ZSCAN18: variants seen among roughly 807,000 people sequenced by gnomAD.
ZSCAN18 encodes the protein zinc finger and SCAN domain containing 18.
Under a neutral mutation model 31.1 loss-of-function variants are expected in ZSCAN18, and 16 were observed. That is an observed-to-expected ratio of 0.51 (90% CI 0.35 to 0.78). The LOEUF (loss-of-function observed/expected upper bound fraction) is 0.78, where lower values mean the gene tolerates loss of function less well. Ranked by LOEUF, ZSCAN18 falls within the 30% of genes least tolerant of loss-of-function variation. The probability of loss-of-function intolerance (pLI) is 0.01; values close to 1 mark genes in which losing one functional copy is unlikely to be tolerated. For synonymous variants in ZSCAN18, 375 were observed against 320.7 expected, an observed-to-expected ratio of 1.17 and a Z score of -1.81; for missense variants, 731 against 697.4, an observed-to-expected ratio of 1.05 and a Z score of -0.54.
At chr19:58,107,907 C>G in intron 1 of ZSCAN18, 1 of 1,074,326 alleles carries the variant, frequency 9.3e-7, no homozygotes, top group South Asian at 3.6e-5. Flanking sequence ...GAAGGCTTTG[C>G]CACACCGATT....
intron 1 of ZSCAN18, chr19:58,109,295 T>C: frequency 8.1e-7 from 1 of 1,231,746 alleles, no homozygotes; most frequent in Non-Finnish European, 1.0e-6. Context: ...TTGACTTTTG[T>C]TTCCCAGGCT....
At chr19:58,116,385 G>T (rs968154849) in intron 1 of ZSCAN18, among the ~76,000 whole-genome samples, 2 of 151,510 alleles carry the variant, frequency 1.3e-5, no homozygotes, top group African/African-American at 4.9e-5. Context: ...CCTGTTCTAG[G>T]TATCAATAAT....
At chr19:58,102,120 C>T (rs973413116), upstream of ZSCAN18, among the ~76,000 whole-genome samples, 2 of 151,994 alleles carry the variant, frequency 1.3e-5, no homozygotes, top group Admixed American at 1.3e-4. Flanking sequence ...GTAGAAGCTC[C>T]ATAAGGACGG....
In ZSCAN18 at chr19:58,103,533, G is replaced by C. The variant is rs149483241; in HGVS notation, c.131-13147C>G. Among the ~76,000 whole-genome samples, 521 of 152,282 alleles carry C rather than the reference G, an allele frequency of 3.4e-3. 1 individual carries two copies. Among genetic ancestry groups the C allele is most frequent in the African/African-American group, 0.012 (489 of 41,546 alleles). ...GTAACTATTGTAATTGTTCTGGAGT[G>C]AAAGGAACCACGCCTATATAAGACA... On this transcript the variant is annotated intron_variant, in intron 1 of 1. Coordinates refer to the ZSCAN18 transcript ENST00000595721.
upstream of ZSCAN18, chr19:58,098,382 T>C (rs937030909): frequency 8.1e-6 from 8 of 985,298 alleles, no homozygotes; most frequent in African/African-American, 1.7e-5. Flanking sequence ...CCTCCCGGCG[T>C]CCCGCCCACT....
In ZSCAN18 at chr19:58,110,907, G is replaced by A. The variant is rs137877027; in HGVS notation, c.130+7360C>T. ...TTTTAGGCCAGGCACGGTGGCTCAC[G>A]CCTGTAATCCCAGCACTTTGGGAGG... On this transcript the variant is annotated intron_variant, in intron 1 of 1. Coordinates refer to the ZSCAN18 transcript ENST00000595721. Among the ~76,000 whole-genome samples the A allele has an allele frequency of 4.4e-3, 667 of 152,240 alleles. 2 individuals are homozygous for A. Among genetic ancestry groups the A allele is most frequent in the African/African-American group, 0.016 (644 of 41,542 alleles).
upstream of ZSCAN18, among the ~76,000 whole-genome samples, chr19:58,101,326 T>C (rs1191663857): frequency 9.4e-4 from 127 of 134,796 alleles, no homozygotes; most frequent in African/African-American, 3.4e-3. Context: ...TTTTTTTGTA[T>C]TTTTAGTAGA....
chr19:58,112,657 GA>G (rs1299445985), intron 1 of ZSCAN18, among the ~76,000 whole-genome samples: 11 of 144,074 alleles, frequency 7.6e-5, no homozygotes, highest in Admixed American at 3.5e-4. Flanking sequence ...TCAAAAAAAA[GA>G]AAAAAAAGTT....
intron 1 of ZSCAN18, among the ~76,000 whole-genome samples, chr19:58,113,036 CCAGGCGCAGTGGCTCACGTCTGTAATT>C (rs1306718645): frequency 6.6e-6 from 1 of 150,472 alleles, no homozygotes; most frequent in Non-Finnish European, 1.5e-5. Flanking sequence ...GGGTCAAGGG[CCAGGCGCAGTGGCTCACGTCTGTAATT>C]CCAACACTTT....
upstream of ZSCAN18, among the ~76,000 whole-genome samples, chr19:58,102,977 C>A (rs1023927472): frequency 2.6e-5 from 4 of 152,024 alleles, no homozygotes; most frequent in African/African-American, 9.7e-5. Flanking sequence ...CAGAAATTAG[C>A]TGGGTGTGGT....
chr19:58,107,753 C>A, intron 1 of ZSCAN18: 3 of 990,962 alleles, frequency 3.0e-6, no homozygotes, highest in Non-Finnish European at 3.6e-6. Flanking sequence ...CTCACTGAAT[C>A]CCCATAGGTC....
intron 1 of ZSCAN18, among the ~76,000 whole-genome samples, chr19:58,113,705 G>A (rs574187848): frequency 7.9e-5 from 12 of 152,278 alleles, no homozygotes; most frequent in Non-Finnish European, 1.2e-4. Flanking sequence ...ATGGCTGGAC[G>A]CAGTGGCTCA....
At position 58,090,168 on chromosome 19, in the gene ZSCAN18, G is replaced by A. The variant is rs1348568105; in HGVS notation, c.100C>T (p.Pro34Ser). The A allele has an allele frequency of 1.9e-6, 3 of 1,613,694 alleles. No individual in the cohort carries two copies. Among genetic ancestry groups the A allele is most frequent in the African/African-American group, 2.7e-5 (2 of 74,934 alleles). The change falls in exon 2 of 7, where the codon CCC (proline) becomes TCC (serine). Residue 34 changes from proline to serine, a missense_variant. Pro to Ser is a moderately conservative substitution (Grantham distance 74). Around this residue, in one of 4 missense-constraint regions of ZSCAN18, gnomAD observed 86 missense variants for 119.1 expected, o/e 0.72. Coordinates refer to ENST00000601144, the MANE Select transcript of ZSCAN18 (RefSeq NM_001145543.2). This position sits in a 1 kb window ranked among gnomAD's most constrained non-coding sequence, Gnocchi z 4.7. Reference protein sequence around the residue: ...GSAAGVQQEEPETIPERTPAD... With the variant: ...GSAAGVQQEESETIPERTPAD... ...GGGGTCCTCTCAGGGATGGTCTCGG[G>A]TTCTTCCTGCTGGACTCCGGCTGCT... is the stretch of plus-strand genomic sequence containing the variant.
At chr19:58,105,833 G>T (rs1252108056) in intron 1 of ZSCAN18, among the ~76,000 whole-genome samples, 1 of 151,892 alleles carries the variant, frequency 6.6e-6, no homozygotes, top group Non-Finnish European at 1.5e-5. Flanking sequence ...TAAAAAATTA[G>T]CCGGCCATAG....
Position 58,090,569 on chromosome 19 carries a change from G to GT in ZSCAN18, c.-119-184dup. On this transcript the variant is annotated intron_variant, in intron 1 of 6. Transcript: ENST00000601144. This position sits in a 1 kb window ranked among gnomAD's most constrained non-coding sequence, Gnocchi z 4.7. ...ATAAAAAGTAGCATGTAAATGGAGG[G>GT]TAACTCATTCTGTGCATTACCAGAA... 1 of 538,408 alleles carries GT rather than the reference G, an allele frequency of 1.9e-6. No individual in the cohort carries two copies. Among genetic ancestry groups the GT allele is most frequent in the East Asian group, 3.1e-5 (1 of 32,444 alleles). 33.4% of individuals were successfully genotyped at this position (538,408 alleles called of 1,614,324 possible).
At chr19:58,107,507 G>T in intron 1 of ZSCAN18, 1 of 271,892 alleles carries the variant, frequency 3.7e-6, no homozygotes, top group Non-Finnish European at 5.6e-6. Flanking sequence ...GCTGCAGGGA[G>T]CTGAGATCAC....
chr19:58,116,218 C>T (rs1030113498), intron 1 of ZSCAN18, among the ~76,000 whole-genome samples: 22 of 145,952 alleles, frequency 1.5e-4, no homozygotes, highest in African/African-American at 5.4e-4. Flanking sequence ...CCCCAAAAAA[C>T]GGCCTGGGCA....
chr19:58,086,635 G>A (rs1265256400), intron 5 of ZSCAN18: 1 of 503,908 alleles, frequency 2.0e-6, no homozygotes, highest in African/African-American at 2.0e-5. Flanking sequence ...ATCTGGCAAG[G>A]AGGGTGGCAA....
upstream of ZSCAN18, among the ~76,000 whole-genome samples, chr19:58,102,429 C>A (rs1224959717): frequency 6.6e-6 from 1 of 152,102 alleles, no homozygotes; most frequent in Non-Finnish European, 1.5e-5. Flanking sequence ...CAACTGCACT[C>A]CAGCCTGGGC....
Sources: gnomAD v4.1 joint callset for allele counts (sites outside exome capture counted in the v4.1 genomes callset) on GRCh38, gnomAD v4.1.1 for gene constraint, gnomAD v4.1.1 regional missense constraint, Gnocchi (gnomAD v3.1) non-coding constraint, MANE v1.5 for transcripts, NCBI Gene and HGNC (gene_info 2026-07-23, HGNC 2026-07-21) for gene names.